SAP130: variants seen among roughly 807,000 people sequenced by gnomAD.
SAP130 encodes the protein Sin3A associated protein 130.
Under a neutral mutation model 103.2 loss-of-function variants are expected in SAP130, and 16 were observed. The observed-to-expected ratio is 0.16, with a 90% CI of 0.10 to 0.24. SAP130 has a LOEUF of 0.24. Among genes scored for constraint, SAP130 ranks in the 10% least tolerant of loss-of-function variants. The pLI is 1.00. For synonymous variants in SAP130, 477 were observed against 497.0 expected, an observed-to-expected ratio of 0.96 and a Z score of 0.53; for missense variants, 990 against 1,359.7, an observed-to-expected ratio of 0.73 and a Z score of 4.28.
chr2:127,989,625 T>G lies in SAP130; in HGVS notation c.1719A>C (p.Thr573=). Residue 573 remains threonine, a synonymous_variant, in exon 13 of 21, where the codon ACA becomes ACC. Transcript: ENST00000643581. The surrounding 1 kb of genome is among the most constrained non-coding windows in gnomAD (Gnocchi z 4.6). The part of the protein sequence containing the change: ...QGIHSATPIN[T]QGLQPAPMGT... ...CCATAGGTGCAGGCTGAAGCCCTTGTGTGTTGATTGGGGTTGCTGAGTGAA... is the reference window on the plus strand; with the variant it reads ...CCATAGGTGCAGGCTGAAGCCCTTGGGTGTTGATTGGGGTTGCTGAGTGAA... The G allele has an allele frequency of 6.2e-7, 1 of 1,614,190 alleles. No homozygotes were observed. The highest frequency in any genetic ancestry group is 2.2e-5 in the East Asian group (1 of 44,890).
chr2:127,993,137 G>T (rs957189554), intron 12 of SAP130, 50 bp downstream of exon 12: 2 of 1,602,364 alleles, frequency 1.2e-6, no homozygotes, highest in South Asian at 1.1e-5. Context: ...CTACATTATT[G>T]TTGGCAAAAG....
At chr2:128,027,641 G>T (rs1440255774) in intron 1 of SAP130, among the ~76,000 whole-genome samples, 1 of 22,796 alleles carries the variant, frequency 4.4e-5, no homozygotes, top group Non-Finnish European at 9.9e-5. Context: ...CCGCCCGCCC[G>T]CCCGCGCTCC....
At chr2:127,995,307 A>C (rs900173538) in intron 11 of SAP130, among the ~76,000 whole-genome samples, 2 of 152,232 alleles carry the variant, frequency 1.3e-5, no homozygotes, top group African/African-American at 4.8e-5. Flanking sequence ...GTTCAATAGG[A>C]ATCTAGAATA....
intron 4 of SAP130, 42 bp from the exon 5 acceptor site, chr2:128,014,956 C>A: frequency 6.5e-7 from 1 of 1,543,670 alleles, no homozygotes; most frequent in South Asian, 1.1e-5. Context: ...CATGTTTGCT[C>A]TTAGCCATTG....
At chr2:128,012,978 C>A in intron 6 of SAP130, 52 bp downstream of exon 6, 1 of 1,538,548 alleles carries the variant, frequency 6.5e-7, no homozygotes. Flanking sequence ...TAGTGCCTGG[C>A]AGAATGAATA....
intron 7 of SAP130, among the ~76,000 whole-genome samples, chr2:128,003,371 T>C (rs1166596027): frequency 6.6e-6 from 1 of 150,720 alleles, no homozygotes; most frequent in African/African-American, 2.4e-5. Context: ...ACCAGGCATC[T>C]TGGCATACAC....
intron 12 of SAP130, among the ~76,000 whole-genome samples, chr2:127,991,398 G>A (rs1682794184): frequency 6.6e-6 from 1 of 152,062 alleles, no homozygotes; most frequent in Non-Finnish European, 1.5e-5. Context: ...GTGCGGTGGT[G>A]CAAACAACAT....
chr2:128,020,093 CCAACACTTA>C (rs1157305955), intron 2 of SAP130, among the ~76,000 whole-genome samples: 2 of 152,108 alleles, frequency 1.3e-5, no homozygotes, highest in Non-Finnish European at 2.9e-5. Context: ...CACAAAGGCA[CCAACACTTA>C]AAGTTTTGGT....
At chr2:128,016,273 G>A in intron 4 of SAP130, 116 bp downstream of exon 4, 3 of 1,072,908 alleles carry the variant, frequency 2.8e-6, no homozygotes, top group Admixed American at 2.2e-5. Flanking sequence ...GCAGGTATCA[G>A]TGACTGTTTG....
chr2:128,009,242 C>A (rs1438720568), intron 7 of SAP130, among the ~76,000 whole-genome samples: 1 of 151,912 alleles, frequency 6.6e-6, no homozygotes, highest in Admixed American at 6.6e-5. Context: ...TAGGGCGATG[C>A]GAGGATCACT....
At chr2:128,017,616 T>C (rs1056834017) in intron 3 of SAP130, 64 bp downstream of exon 3, 1 of 1,361,420 alleles carries the variant, frequency 7.3e-7, no homozygotes, top group Non-Finnish European at 1.0e-6. Flanking sequence ...TTTATACAAA[T>C]TGTTACAAAC....
chr2:127,993,427 T>C (rs1018746185), intron 11 of SAP130, 119 bp from the exon 12 acceptor site: 5 of 1,125,984 alleles, frequency 4.4e-6, no homozygotes, highest in Non-Finnish European at 4.8e-6. Flanking sequence ...TTTGCTCAAA[T>C]TGTGTCCCAA....
chr2:127,967,458 G>A (rs1167141147), intron 15 of SAP130, among the ~76,000 whole-genome samples: 5 of 152,208 alleles, frequency 3.3e-5, no homozygotes, highest in Admixed American at 3.3e-4. Flanking sequence ...GGAGTGCAGT[G>A]GCGCAGTCTC....
chr2:128,015,209 A>C (rs561747076), intron 4 of SAP130, among the ~76,000 whole-genome samples: 1 of 152,124 alleles, frequency 6.6e-6, no homozygotes, highest in Non-Finnish European at 1.5e-5. Flanking sequence ...ATTACCTTTC[A>C]CACTTGTTTT....
At chr2:127,980,566 A>C (rs1423060146) in intron 14 of SAP130, among the ~76,000 whole-genome samples, 2 of 152,246 alleles carry the variant, frequency 1.3e-5, no homozygotes, top group Non-Finnish European at 1.5e-5. Context: ...AAAAATGTTC[A>C]GGGTATCATT....
At chr2:128,014,776 G>A in intron 5 of SAP130, 27 bp downstream of exon 5, 2 of 1,505,760 alleles carry the variant, frequency 1.3e-6, no homozygotes, top group Non-Finnish European at 1.8e-6. Flanking sequence ...CATTTTGAGA[G>A]TTTGAACAAA....
chr2:127,976,273 A>C (rs1354365523), intron 15 of SAP130, among the ~76,000 whole-genome samples: 1 of 152,144 alleles, frequency 6.6e-6, no homozygotes, highest in Non-Finnish European at 1.5e-5. Flanking sequence ...TTATTCCTTC[A>C]TACTCTTCTC....
intron 4 of SAP130, among the ~76,000 whole-genome samples, chr2:128,015,771 G>A (rs1226975931): frequency 2.0e-5 from 3 of 151,870 alleles, no homozygotes; most frequent in African/African-American, 2.4e-5. Flanking sequence ...GTGAAACCCC[G>A]TCTCTATTAA....
intron 10 of SAP130, 50 bp downstream of exon 10, chr2:127,999,691 G>A: frequency 1.9e-6 from 2 of 1,033,484 alleles, no homozygotes; most frequent in Non-Finnish European, 2.8e-6. Context: ...TAGTCTGAGG[G>A]GTTACAGCAC....
Sources: allele counts gnomAD v4.1 joint callset (sites outside exome capture counted in the v4.1 genomes callset), GRCh38; gene constraint gnomAD v4.1.1; non-coding constraint Gnocchi (gnomAD v3.1); transcripts MANE v1.5; gene names NCBI Gene and HGNC (gene_info 2026-07-23, HGNC 2026-07-21).